Variants in PNPLA7 observed in about 807,000 individuals in gnomAD.
The protein encoded by PNPLA7 is patatin like domain 7, lysophospholipase.
A neutral mutation model predicts 161.7 loss-of-function variants in PNPLA7; 153 were observed. That is an observed-to-expected ratio of 0.95 (90% CI 0.83 to 1.08). The LOEUF (loss-of-function observed/expected upper bound fraction) is 1.08, where lower values mean the gene tolerates loss of function less well. Among genes scored for constraint, PNPLA7 ranks in the 50% least tolerant of loss-of-function variants. PNPLA7 has a pLI of 0.00. For missense variants in PNPLA7, 1,739 were observed against 1,856.6 expected (o/e 0.94, Z 1.16); for synonymous variants, 809 against 782.1 (o/e 1.03, Z -0.57).
chr9:137,544,708 A>C (rs1013944558), intron 4 of PNPLA7, among the ~76,000 whole-genome samples: 1 of 152,124 alleles, frequency 6.6e-6, no homozygotes, highest in Non-Finnish European at 1.5e-5. Flanking sequence ...CAATGGCACG[A>C]TCTCGACTCA....
At chr9:137,462,403 G>A in intron 30 of PNPLA7, 72 bp from the exon 31 acceptor site, 3 of 1,526,074 alleles carry the variant, frequency 2.0e-6, no homozygotes, top group African/African-American at 1.4e-5. Context: ...CGTGGCGCAG[G>A]ACAGGTTCTG....
rs1836306399 is a variant in PNPLA7, at chr9:137,543,225, G to A, written c.506+207C>T. Among the ~76,000 whole-genome samples, 1 of 152,200 alleles carries A rather than the reference G, an allele frequency of 6.6e-6. No homozygotes were observed. Among genetic ancestry groups the A allele is most frequent in the South Asian group, 2.1e-4 (1 of 4,824 alleles). ...GTTCACCGCTGAAGATGAAACACCG[G>A]GAAATCGTTCAACAGAACAAGAAAG... On this transcript the variant is annotated intron_variant, in intron 6 of 34. Transcript: ENST00000406427. This position sits in a 1 kb window ranked among gnomAD's most constrained non-coding sequence, Gnocchi z 6.9.
At position 137,462,323 on chromosome 9, in the gene PNPLA7, G is replaced by A; in HGVS notation, c.3501C>T (p.Asn1167=). 6.2e-7 allele frequency: 1 copy of A among 1,601,558 alleles called. No homozygotes were observed. The highest frequency in any genetic ancestry group is 8.5e-7 in the Non-Finnish European group (1 of 1,173,438). The change falls in exon 31 of 35, where the codon AAC becomes AAT. Residue 1167 remains asparagine, a synonymous_variant. Transcript: ENST00000406427. ...CCAGGCGCGTCTGAATCTCTGCCAT[G>A]TTCAACACCTGCTGCCGTCACAGCC... The part of the protein sequence containing the change: ...NPLATKVKVL[N]MAEIQTRLAY...
At chr9:137,515,844 TC>T (rs1217027051) in intron 11 of PNPLA7, among the ~76,000 whole-genome samples, 14 of 30,264 alleles carry the variant, frequency 4.6e-4, no homozygotes, top group South Asian at 2.0e-3. Context: ...AAATGCCCCC[TC>T]CCCCCAATCC....
chr9:137,494,506 T>C (rs966850508), intron 19 of PNPLA7, among the ~76,000 whole-genome samples: 1 of 152,202 alleles, frequency 6.6e-6, no homozygotes, highest in African/African-American at 2.4e-5. Context: ...CAGGGCACAG[T>C]TTGGGACATG....
At chr9:137,507,313 C>A (rs926090667) in intron 12 of PNPLA7, among the ~76,000 whole-genome samples, 27 of 152,380 alleles carry the variant, frequency 1.8e-4, no homozygotes, top group African/African-American at 6.3e-4. Flanking sequence ...GCAGCAGCCC[C>A]TTTACCTGGC....
At chr9:137,492,661 C>T (rs1387644052) in intron 20 of PNPLA7, among the ~76,000 whole-genome samples, 4 of 114,446 alleles carry the variant, frequency 3.5e-5, no homozygotes, top group Non-Finnish European at 7.0e-5. Context: ...AGGGCAGGGC[C>T]ATGGTCTGGG....
chr9:137,528,891 G>A (rs910569273), intron 8 of PNPLA7, among the ~76,000 whole-genome samples: 1 of 151,736 alleles, frequency 6.6e-6, no homozygotes, highest in African/African-American at 2.4e-5. Flanking sequence ...TAGTAGAGAC[G>A]AGGTTTCACT....
In PNPLA7 at chr9:137,505,681, G is replaced by A. The variant is rs764700731; in HGVS notation, c.1406C>T (p.Ala469Val). ...HSESHTDETL[A>V]SRKSDAIFRA... ...GAAGATGGCATCCGACTTCCTGCTG[G>A]CCAGGGTCTCATCCGTGTGACTCTC... Residue 469 changes from alanine to valine, a missense_variant, in exon 14 of 35, where the codon GCC (alanine) becomes GTC (valine). Physicochemically the swap from Ala to Val is moderately conservative, Grantham distance 64 (BLOSUM62 0). Transcript: ENST00000406427. The A allele has an allele frequency of 6.8e-6, 11 of 1,614,132 alleles. No individual in the cohort carries two copies. The highest frequency in any genetic ancestry group is 1.3e-5 in the African/African-American group (1 of 75,076).
intron 12 of PNPLA7, among the ~76,000 whole-genome samples, chr9:137,506,763 C>T (rs1019829438): frequency 3.9e-5 from 6 of 152,234 alleles, no homozygotes; most frequent in South Asian, 2.1e-4. Context: ...CGTATCTGAC[C>T]TCTGGACCAG....
rs936652884 is a variant in PNPLA7 at position 137,540,744 on chromosome 9, G to C, written c.667-22C>G. The C allele has an allele frequency of 2.5e-6, 4 of 1,598,254 alleles. No homozygotes were observed. The highest frequency in any genetic ancestry group is 2.7e-5 in the African/African-American group (2 of 74,594). On this transcript the variant is annotated intron_variant, in intron 7 of 34. Transcript: ENST00000406427. The surrounding 1 kb of genome is among the most constrained non-coding windows in gnomAD (Gnocchi z 5.1). ...CGTCCTGCGCTTGGAGAGCAGAGTG[G>C]GTGCCGTCAGGTCTGGGGCTGCGAC...
At chr9:137,481,203 A>G (rs1194226720) in intron 21 of PNPLA7, among the ~76,000 whole-genome samples, 180 bp from the exon 22 acceptor site, 2 of 152,192 alleles carry the variant, frequency 1.3e-5, no homozygotes, top group African/African-American at 4.8e-5. Flanking sequence ...CCCCTTGAGC[A>G]CAACTGCCAA....
chr9:137,536,931 T>C (rs1352799849), intron 8 of PNPLA7, among the ~76,000 whole-genome samples: 4 of 148,476 alleles, frequency 2.7e-5, no homozygotes, highest in Admixed American at 6.7e-5. Context: ...ATGGGGGCCA[T>C]CCTCCGAGCC....
chr9:137,542,103 G>A (rs1836236697), intron 7 of PNPLA7, among the ~76,000 whole-genome samples: 1 of 152,108 alleles, frequency 6.6e-6, no homozygotes, highest in African/African-American at 2.4e-5. Flanking sequence ...GGGTTCAATG[G>A]ACCATGGCAA....
chr9:137,461,988 G>A lies in PNPLA7; in HGVS notation c.3699C>T (p.Gly1233=), dbSNP rs761555494. 1.9e-6 allele frequency: 3 copies of A among 1,602,166 alleles called. No homozygotes were observed. The highest frequency in any genetic ancestry group is 3.4e-5 in the Admixed American group (2 of 59,254). The change falls in exon 32 of 35, where the codon GGC becomes GGT. Residue 1233 remains glycine, a synonymous_variant. Transcript: ENST00000406427. ...RTVFDIWGRS[G]VLEKMLRDQQ... ...GGTCGCGGAGCATCTTCTCCAGCAC[G>A]CCGCTGCGGCCCCAGATGTCAAACA...
chr9:137,507,608 G>A (rs953698172), intron 12 of PNPLA7, among the ~76,000 whole-genome samples: 1 of 152,204 alleles, frequency 6.6e-6, no homozygotes, highest in African/African-American at 2.4e-5. Context: ...GGCAGAGGTT[G>A]CGGTGAGCTG....
intron 28 of PNPLA7, 126 bp from the exon 29 acceptor site, chr9:137,463,657 GGAAGCTC>G: frequency 1.5e-6 from 1 of 667,214 alleles, no homozygotes; most frequent in Non-Finnish European, 2.5e-6. Flanking sequence ...CTCCACAGAG[GGAAGCTC>G]ATGGCCCAAG....
At chr9:137,489,082 C>A (rs536133486) in intron 20 of PNPLA7, among the ~76,000 whole-genome samples, 1 of 151,820 alleles carries the variant, frequency 6.6e-6, no homozygotes, top group Non-Finnish European at 1.5e-5. Flanking sequence ...ACCCCCTGAC[C>A]AGCAGACATC....
Position 137,464,406 on chromosome 9 carries a change from C to A in PNPLA7, c.3090G>T (p.Thr1030=). 1 of 1,613,958 alleles carries A rather than the reference C, an allele frequency of 6.2e-7. No homozygotes were observed. Among genetic ancestry groups the A allele is most frequent in the Non-Finnish European group, 8.5e-7 (1 of 1,179,994 alleles). The change falls in exon 27 of 35, where the codon ACG becomes ACT. Residue 1030 remains threonine, a synonymous_variant. Transcript: ENST00000406427. ...KAALDLTYPI[T]SMFSGAGFNS... ...TGAAGCCGGCTCCGGAGAACATGGA[C>A]GTGATGGGGTAGGTGAGGTCCAGCG... is the stretch of plus-strand genomic sequence containing the variant.
Sources: allele counts gnomAD v4.1 joint callset (sites outside exome capture counted in the v4.1 genomes callset), GRCh38; gene constraint gnomAD v4.1.1; non-coding constraint Gnocchi (gnomAD v3.1); transcripts MANE v1.5; gene names NCBI Gene and HGNC (gene_info 2026-07-23, HGNC 2026-07-21).